The following HECW1 variants were observed in gnomAD, a reference collection of about 807,000 sequenced individuals.
HECW1 encodes the protein E3 ubiquitin-protein ligase HECW1.
In HECW1, 61 loss-of-function variants were observed where a neutral mutation model predicts 182.3. That is an observed-to-expected ratio of 0.33 (90% CI 0.27 to 0.41). The LOEUF is 0.41. Ranked by LOEUF, HECW1 falls within the 10% of genes least tolerant of loss-of-function variation. The pLI is 1.00. For missense variants in HECW1, 1,739 were observed against 2,108.9 expected (o/e 0.82, Z 3.44); for synonymous variants, 859 against 832.6 (o/e 1.03, Z -0.55).
Position 43,231,044 on chromosome 7 carries a change from T to G in HECW1, c.-31-12831T>G, listed in dbSNP as rs142117558. 8.5e-5 allele frequency among the ~76,000 whole-genome samples: 13 copies of G among 152,356 alleles called. 1 individual carries two copies. In the East Asian group the frequency reaches 2.5e-3, roughly 29 times the overall value. ...AATAGATGCTATGTGTCTGGTGCTA[T>G]TCTTTAGTCCTCTGCATTTATTTTC... On this transcript the variant is annotated intron_variant, in intron 2 of 29. Transcript: ENST00000395891.
intron 4 of HECW1, among the ~76,000 whole-genome samples, chr7:43,320,243 A>T (rs190596046): frequency 1.3e-5 from 2 of 152,180 alleles, no homozygotes; most frequent in Admixed American, 6.5e-5. Flanking sequence ...TTTTTTCTTT[A>T]TGTCTCGCCC....
chr7:43,261,306 G>T (rs1438641093), intron 3 of HECW1, among the ~76,000 whole-genome samples: 1 of 152,156 alleles, frequency 6.6e-6, no homozygotes, highest in African/African-American at 2.4e-5. Context: ...TATGTCTAGA[G>T]CTCCAGTTCT....
rs144440515 is a variant in HECW1 at position 43,170,866 on chromosome 7, G to T, written c.-32+56475G>T. Among the ~76,000 whole-genome samples the T allele has an allele frequency of 1.6e-4, 25 of 152,330 alleles. No individual in the cohort carries two copies. In the East Asian group the frequency reaches 3.5e-3, roughly 21 times the overall value. On this transcript the variant is annotated intron_variant, in intron 2 of 29. Transcript: ENST00000395891. ...TTGGCTGAGCTGAAAGTAGGGCGGA[G>T]CAGCACATGTGCAGGGTGAGTGTCC...
chr7:43,281,197 C>T (rs1803856667), intron 3 of HECW1, among the ~76,000 whole-genome samples: 1 of 152,146 alleles, frequency 6.6e-6, no homozygotes, highest in Non-Finnish European at 1.5e-5. Context: ...TTGGCCCTGT[C>T]ACTGCAGGAA....
intron 19 of HECW1, among the ~76,000 whole-genome samples, chr7:43,497,372 GAA>G (rs1365974856): frequency 2.0e-5 from 3 of 152,212 alleles, no homozygotes; most frequent in African/African-American, 7.2e-5. Flanking sequence ...TCACCAACCG[GAA>G]ACATTTTATT....
intron 24 of HECW1, 25 bp from the exon 25 acceptor site, chr7:43,541,138 T>A (rs1197436968): frequency 6.3e-7 from 1 of 1,574,884 alleles, no homozygotes. Context: ...CACTTACCGA[T>A]TTCTCTGCCT....
intron 3 of HECW1, among the ~76,000 whole-genome samples, chr7:43,309,305 G>A (rs1394635888): frequency 1.3e-5 from 2 of 152,140 alleles, no homozygotes; most frequent in Non-Finnish European, 2.9e-5. Flanking sequence ...TGGTGGGAGA[G>A]GGTGGGGTGC....
At chr7:43,268,640 C>A (rs980142364) in intron 3 of HECW1, among the ~76,000 whole-genome samples, 3 of 152,232 alleles carry the variant, frequency 2.0e-5, no homozygotes, top group Non-Finnish European at 2.9e-5. Flanking sequence ...GATGATGAAT[C>A]CCTGGGGGCT....
At chr7:43,488,939 C>A (rs1034034773) in intron 17 of HECW1, among the ~76,000 whole-genome samples, 8 of 152,200 alleles carry the variant, frequency 5.3e-5, no homozygotes, top group African/African-American at 1.7e-4. Context: ...AACTGGACTT[C>A]AGCTGGTTTC....
chr7:43,113,868 C>T (rs1042344949), intron 1 of HECW1: 2 of 234,550 alleles, frequency 8.5e-6, no homozygotes, highest in Non-Finnish European at 1.7e-5. Flanking sequence ...CCATGATGCG[C>T]GGTGTCTCTG....
At chr7:43,142,971 A>G (rs1310667191) in intron 2 of HECW1, among the ~76,000 whole-genome samples, 1 of 152,174 alleles carries the variant, frequency 6.6e-6, no homozygotes, top group Non-Finnish European at 1.5e-5. Flanking sequence ...TTGGCCATGT[A>G]ACACTCCAGA....
chr7:43,277,724 A>G (rs1230306803), intron 3 of HECW1, among the ~76,000 whole-genome samples: 1 of 152,142 alleles, frequency 6.6e-6, no homozygotes, highest in Non-Finnish European at 1.5e-5. Flanking sequence ...AACTTCTTCC[A>G]AGAAGCATCT....
chr7:43,502,499 A>T (rs2079405407), intron 21 of HECW1, among the ~76,000 whole-genome samples: 1 of 152,112 alleles, frequency 6.6e-6, no homozygotes, highest in Admixed American at 6.6e-5. Context: ...TCTACCAAAA[A>T]AAATTTTTTT....
intron 2 of HECW1, among the ~76,000 whole-genome samples, chr7:43,152,544 C>T (rs1364413587): frequency 6.6e-6 from 1 of 151,988 alleles, no homozygotes; most frequent in African/African-American, 2.4e-5. Context: ...CATGGATGAG[C>T]TCTCTCTTAT....
intron 16 of HECW1, among the ~76,000 whole-genome samples, chr7:43,478,010 G>GA (rs35466782): frequency 0.037 from 5,663 of 151,584 alleles, 325 homozygotes; most frequent in African/African-American, 0.12. Context: ...GGGTTTTGTT[G>GA]AAAAAAAAGG....
In HECW1 at chr7:43,444,921, C is replaced by T. The variant is rs763171223; in HGVS notation, c.1749C>T (p.Asp583=). The change falls in exon 11 of 30, where the codon GAC becomes GAT. Residue 583 remains aspartate, a synonymous_variant. Coordinates refer to ENST00000395891, the MANE Select transcript of HECW1 (RefSeq NM_015052.5). The surrounding 1 kb of genome is among the most constrained non-coding windows in gnomAD (Gnocchi z 4.3). ...GCGGCAGCGCGGCAGAGGAGGAGGA[C>T]GGCGCGGAGGAGGAGTCCACCCTCA... The part of the protein sequence containing the change: ...AQGGSAAEEE[D]GAEEESTLKD... 5.6e-6 allele frequency: 9 copies of T among 1,595,674 alleles called. No individual in the cohort carries two copies. In the Admixed American group the frequency reaches 1.5e-4, roughly 27 times the overall value.
rs1197568130 is a variant in HECW1, at chr7:43,552,330, C to T, written c.4504C>T (p.Arg1502Trp). 5 of 1,598,572 alleles carry T rather than the reference C, an allele frequency of 3.1e-6. No homozygotes were observed. Among genetic ancestry groups the T allele is most frequent in the African/African-American group, 2.7e-5 (2 of 74,576 alleles). Residue 1502 changes from arginine (R) to tryptophan (W), a missense_variant, in exon 28 of 30, where the codon CGG (arginine) becomes TGG (tryptophan). Arg to Trp is a moderately radical substitution (Grantham distance 101). This residue lies in a region of HECW1 where 420 missense variants were observed against 595.7 expected (regional missense o/e 0.71). Coordinates refer to ENST00000395891, the MANE Select transcript of HECW1 (RefSeq NM_015052.5). ...TGACTGGCGGAATAACACTGAGTACCGGGGAGGTGAGTGGGCAGGAGCTGT... is the reference window on the plus strand; with the variant it reads ...TGACTGGCGGAATAACACTGAGTACTGGGGAGGTGAGTGGGCAGGAGCTGT... ...LNDWRNNTEY[R>W]GGYHDGHLVI...
chr7:43,361,061 T>C (rs76733124), intron 6 of HECW1, 81 bp downstream of exon 6: 11,039 of 86,156 alleles, frequency 0.13, 26 homozygotes, highest in Non-Finnish European at 0.15. Context: ...TGCGTGCGTG[T>C]GTGTGTGTGT....
chr7:43,446,624 A>ATT (rs140487517), intron 11 of HECW1, among the ~76,000 whole-genome samples: 8 of 150,856 alleles, frequency 5.3e-5, no homozygotes, highest in Non-Finnish European at 8.9e-5. Flanking sequence ...GTGCCTACAA[A>ATT]TTTTTTTTTT....
Sources: allele counts gnomAD v4.1 joint callset (sites outside exome capture counted in the v4.1 genomes callset), GRCh38; gene constraint gnomAD v4.1.1; regional missense constraint gnomAD v4.1.1; non-coding constraint Gnocchi (gnomAD v3.1); transcripts MANE v1.5; gene names NCBI Gene and HGNC (gene_info 2026-07-23, HGNC 2026-07-21).